The following SLCO6A1 variants were observed in gnomAD, a reference collection of about 807,000 sequenced individuals.
SLCO6A1 encodes the protein cancer/testis antigen 48.
In SLCO6A1, 65 loss-of-function variants were observed where a neutral mutation model predicts 72.7. The ratio of observed to expected loss-of-function variants is 0.89; its 90% confidence interval spans 0.73 to 1.10. SLCO6A1 has a LOEUF of 1.10. Ranked by LOEUF, SLCO6A1 falls within the 50% of genes least tolerant of loss-of-function variation. The pLI is 0.00. For synonymous variants in SLCO6A1, 314 were observed against 298.2 expected, an observed-to-expected ratio of 1.05 and a Z score of -0.55; for missense variants, 874 against 872.6, an observed-to-expected ratio of 1.00 and a Z score of -0.02.
chr5:102,412,093 C>A (rs915189226), intron 9 of SLCO6A1, among the ~76,000 whole-genome samples: 2 of 152,016 alleles, frequency 1.3e-5, no homozygotes, highest in African/African-American at 4.8e-5. Context: ...AACCAATTGT[C>A]GACCAGAAAA....
At chr5:102,478,126 C>G (rs900527695) in intron 2 of SLCO6A1, among the ~76,000 whole-genome samples, 10 of 151,838 alleles carry the variant, frequency 6.6e-5, no homozygotes, top group African/African-American at 2.2e-4. Context: ...TTGTGACAAG[C>G]CTGGGCAACA....
chr5:102,495,422 C>T (rs1469050813), intron 1 of SLCO6A1, among the ~76,000 whole-genome samples: 1 of 149,064 alleles, frequency 6.7e-6, no homozygotes, highest in South Asian at 2.1e-4. Flanking sequence ...GGTGAAACCC[C>T]ATCTCTATTA....
chr5:102,420,128 AT>A (rs1158671550), intron 7 of SLCO6A1, 107 bp from the exon 8 acceptor site: 1 of 935,084 alleles, frequency 1.1e-6, no homozygotes, highest in Non-Finnish European at 1.5e-6. Context: ...GCAAACATGT[AT>A]TTAAACTAAA....
intron 12 of SLCO6A1, among the ~76,000 whole-genome samples, chr5:102,374,536 C>A (rs1405011673): frequency 6.6e-6 from 1 of 152,208 alleles, no homozygotes; most frequent in Middle Eastern, 3.4e-3. Context: ...GTGATCATCT[C>A]GCCTTGGCCT....
At chr5:102,376,187 A>G (rs1745783461) in intron 12 of SLCO6A1, among the ~76,000 whole-genome samples, 1 of 152,198 alleles carries the variant, frequency 6.6e-6, no homozygotes. Context: ...ATTAAGCAAA[A>G]ATATCTTTCA....
At position 102,467,511 on chromosome 5, in the gene SLCO6A1, C is replaced by T. The variant is rs183309598; in HGVS notation, c.900-7734G>A. Among the ~76,000 whole-genome samples the T allele has an allele frequency of 2.4e-3, 358 of 152,128 alleles. 3 individuals carry two copies. Among genetic ancestry groups the T allele is most frequent in the African/African-American group, 7.5e-3 (312 of 41,528 alleles). ...TATCATGAGACTTATTCACTACATA[C>T]GAGTACAGTATGAGGGAAACTGCCC... On this transcript the variant is annotated intron_variant, in intron 4 of 13. Transcript: ENST00000506729.
intron 13 of SLCO6A1, among the ~76,000 whole-genome samples, chr5:102,372,658 T>C (rs1750685992): frequency 6.6e-6 from 1 of 151,294 alleles, no homozygotes; most frequent in Non-Finnish European, 1.5e-5. Context: ...CAGCTAGTCT[T>C]TATCAATAAA....
intron 3 of SLCO6A1, 106 bp downstream of exon 3, chr5:102,477,570 T>A: frequency 2.4e-6 from 2 of 833,834 alleles, no homozygotes; most frequent in Non-Finnish European, 3.7e-6. Flanking sequence ...TTTATTACAA[T>A]GTTATCATAA....
At position 102,438,712 on chromosome 5, in the gene SLCO6A1, G is replaced by A. The variant is rs1272471084; in HGVS notation, c.1181C>T (p.Thr394Ile). Residue 394 changes from threonine (T) to isoleucine (I), a missense_variant, in exon 7 of 14, where the codon ACA becomes ATA. Transcript: ENST00000506729. The part of the protein sequence containing the change: ...VLICLALSKA[T>I]EYLVIIGASE... ...AGCTCCAATAATAACTAAATATTCT[G>A]TAGCTTTTGACAGAGCTAGGCATAT... 6.3e-7 allele frequency: 1 copy of A among 1,593,896 alleles called. No homozygotes were observed. The highest frequency in any genetic ancestry group is 2.3e-5 in the East Asian group (1 of 43,926).
chr5:102,411,834 G>T (rs1374517317), intron 9 of SLCO6A1, among the ~76,000 whole-genome samples: 1 of 152,036 alleles, frequency 6.6e-6, no homozygotes, highest in Admixed American at 6.6e-5. Context: ...TTTGTGGGGG[G>T]GAAATGTGCA....
chr5:102,491,695 G>C (rs889141321), intron 1 of SLCO6A1, among the ~76,000 whole-genome samples: 4 of 152,234 alleles, frequency 2.6e-5, no homozygotes, highest in East Asian at 3.9e-4. Flanking sequence ...CCGCAAGCGC[G>C]GTGCGCAGCC....
chr5:102,481,912 T>G (rs1752213956), intron 1 of SLCO6A1, among the ~76,000 whole-genome samples: 1 of 152,266 alleles, frequency 6.6e-6, no homozygotes, highest in African/African-American at 2.4e-5. Flanking sequence ...CAGCCCTAAC[T>G]AAATTTTTGA....
intron 7 of SLCO6A1, among the ~76,000 whole-genome samples, chr5:102,429,756 C>G (rs1218957764): frequency 1.3e-5 from 2 of 151,266 alleles, no homozygotes; most frequent in African/African-American, 4.9e-5. Context: ...CAGCTTTGTT[C>G]TTTTTGCTTA....
At chr5:102,387,019 T>C (rs950815247) in intron 12 of SLCO6A1, among the ~76,000 whole-genome samples, 3 of 152,192 alleles carry the variant, frequency 2.0e-5, no homozygotes, top group African/African-American at 7.2e-5. Flanking sequence ...CCATGTGCTA[T>C]ATTCTTTCAG....
chr5:102,395,011 CTACTT>C (rs1746983769), intron 10 of SLCO6A1, among the ~76,000 whole-genome samples: 1 of 151,964 alleles, frequency 6.6e-6, no homozygotes, highest in South Asian at 2.1e-4. Flanking sequence ...TTATAAGTCA[CTACTT>C]TTTTTTAATT....
At chr5:102,372,317 C>A (rs943240521) in intron 13 of SLCO6A1, among the ~76,000 whole-genome samples, 194 bp from the exon 14 acceptor site, 1 of 151,960 alleles carries the variant, frequency 6.6e-6, no homozygotes, top group African/African-American at 2.4e-5. Context: ...TCTACCCATC[C>A]ACATAGGGTC....
chr5:102,378,984 T>A (rs894311007), intron 12 of SLCO6A1, among the ~76,000 whole-genome samples: 3 of 152,116 alleles, frequency 2.0e-5, no homozygotes, highest in African/African-American at 7.2e-5. Flanking sequence ...TTTCACCATG[T>A]TAGCCAGGAT....
At chr5:102,438,578 T>C in intron 7 of SLCO6A1, 39 bp downstream of exon 7, 1 of 1,541,222 alleles carries the variant, frequency 6.5e-7, no homozygotes, top group Non-Finnish European at 8.7e-7. Flanking sequence ...AATAAGACAG[T>C]GCAAAATTTT....
At chr5:102,484,334 C>T (rs184893680) in intron 1 of SLCO6A1, among the ~76,000 whole-genome samples, 15 of 152,160 alleles carry the variant, frequency 9.9e-5, no homozygotes, top group East Asian at 7.7e-4. Flanking sequence ...GTTCAATGAC[C>T]GGTACAGAAT....
Sources: gnomAD v4.1 joint callset for allele counts (sites outside exome capture counted in the v4.1 genomes callset) on GRCh38, gnomAD v4.1.1 for gene constraint, MANE v1.5 for transcripts, NCBI Gene and HGNC (gene_info 2026-07-23, HGNC 2026-07-21) for gene names.